RGS17: variants seen among roughly 807,000 people sequenced by gnomAD.
The protein encoded by RGS17 is regulator of G protein signaling 17.
A neutral mutation model predicts 25.5 loss-of-function variants in RGS17; 12 were observed. That is an observed-to-expected ratio of 0.47 (90% CI 0.30 to 0.76). The LOEUF (loss-of-function observed/expected upper bound fraction) is 0.76. Among genes scored for constraint, RGS17 ranks in the 30% least tolerant of loss-of-function variants. The pLI is 0.07. For synonymous variants in RGS17, 71 were observed against 76.9 expected (o/e 0.92, Z 0.40); for missense variants, 196 against 242.2 (o/e 0.81, Z 1.27).
At chr6:153,076,746 T>A (rs541430645) in intron 1 of RGS17, among the ~76,000 whole-genome samples, 1 of 152,330 alleles carries the variant, frequency 6.6e-6, no homozygotes, top group South Asian at 2.1e-4. Flanking sequence ...TAGATTTTAC[T>A]AGACTGAATA....
At chr6:153,044,741 T>C (rs1313502619) in intron 1 of RGS17, among the ~76,000 whole-genome samples, 1 of 152,210 alleles carries the variant, frequency 6.6e-6, no homozygotes, top group Non-Finnish European at 1.5e-5. Flanking sequence ...GGAATTACTC[T>C]GGTGGAATTT....
Position 153,053,648 on chromosome 6 carries a change from T to C in RGS17, c.-25-9605A>G, listed in dbSNP as rs139043094. ...AGAAAATAAAAAATTTAACCAGGCA[T>C]GGTGGCATACATATGTAGTCCTAGG... is the stretch of plus-strand genomic sequence containing the variant. On this transcript the variant is annotated intron_variant, in intron 1 of 4. Coordinates refer to ENST00000206262, the MANE Select transcript of RGS17 (RefSeq NM_012419.5). Among the ~76,000 whole-genome samples the C allele has an allele frequency of 5.0e-4, 76 of 151,754 alleles. 1 individual carries two copies. The East Asian group carries it at 0.013, about 27-fold the overall frequency.
chr6:153,125,589 T>G (rs1373612760), intron 1 of RGS17, among the ~76,000 whole-genome samples: 2 of 152,158 alleles, frequency 1.3e-5, no homozygotes, highest in Non-Finnish European at 1.5e-5. Flanking sequence ...CACTTTCAGC[T>G]GGGCGCAGTG....
chr6:153,023,903 T>A (rs973349524), intron 4 of RGS17, among the ~76,000 whole-genome samples: 86 of 152,332 alleles, frequency 5.6e-4, no homozygotes, highest in African/African-American at 2.0e-3. Flanking sequence ...ATGCTCCAGG[T>A]GATTCTCATT....
intron 1 of RGS17, among the ~76,000 whole-genome samples, chr6:153,076,975 T>C (rs9479496): frequency 0.56 from 85,624 of 151,554 alleles, 24,328 homozygotes; most frequent in South Asian, 0.64. Flanking sequence ...GCACTAGTTA[T>C]AAGGGAAAAA....
chr6:153,078,788 T>C (rs1426169096), intron 1 of RGS17, among the ~76,000 whole-genome samples: 2 of 152,172 alleles, frequency 1.3e-5, no homozygotes, highest in African/African-American at 2.4e-5. Context: ...TTTATCTATA[T>C]ATATTTCAGA....
chr6:153,018,744 C>T (rs1779210027), intron 4 of RGS17, among the ~76,000 whole-genome samples: 1 of 152,226 alleles, frequency 6.6e-6, no homozygotes, highest in Non-Finnish European at 1.5e-5. Flanking sequence ...GCCAGTGTCT[C>T]TTGTTTATCA....
At chr6:153,014,622 AC>A (rs1779164663) in intron 4 of RGS17, among the ~76,000 whole-genome samples, 1 of 151,806 alleles carries the variant, frequency 6.6e-6, no homozygotes, top group African/African-American at 2.4e-5. Flanking sequence ...CACGGTGAAA[AC>A]CCGTCTCTAC....
At chr6:153,071,481 T>C (rs1046627339) in intron 1 of RGS17, among the ~76,000 whole-genome samples, 2 of 151,782 alleles carry the variant, frequency 1.3e-5, no homozygotes, top group Non-Finnish European at 2.9e-5. Flanking sequence ...TGTTGTTTTG[T>C]TTTTAAATTT....
chr6:153,122,679 A>G (rs768789593), intron 1 of RGS17, among the ~76,000 whole-genome samples: 7 of 152,168 alleles, frequency 4.6e-5, no homozygotes, highest in East Asian at 1.9e-4. Flanking sequence ...TGAGCTCTTG[A>G]TATGTTTTAA....
At chr6:153,122,982 T>C (rs11155897) in intron 1 of RGS17, among the ~76,000 whole-genome samples, 426 of 66,614 alleles carry the variant, frequency 6.4e-3, no homozygotes, top group East Asian at 0.021. Flanking sequence ...CCAATGTACA[T>C]TGGAGTACAT....
intron 1 of RGS17, among the ~76,000 whole-genome samples, chr6:153,124,971 T>C (rs150966253): frequency 1.2e-4 from 18 of 152,294 alleles, no homozygotes; most frequent in Non-Finnish European, 2.5e-4. Flanking sequence ...CCACCTTTCA[T>C]AGAGACTGGA....
chr6:153,077,584 G>A (rs372022116), intron 1 of RGS17, among the ~76,000 whole-genome samples: 12 of 151,566 alleles, frequency 7.9e-5, no homozygotes, highest in African/African-American at 2.9e-4. Context: ...AGAAAGTCGG[G>A]GCAAAAAATA....
intron 1 of RGS17, among the ~76,000 whole-genome samples, chr6:153,096,235 T>C (rs1429671783): frequency 6.6e-6 from 1 of 152,140 alleles, no homozygotes; most frequent in Non-Finnish European, 1.5e-5. Context: ...GGGCATAATG[T>C]TAGCCAAGAG....
intron 1 of RGS17, among the ~76,000 whole-genome samples, chr6:153,125,521 A>G (rs1464687734): frequency 2.0e-5 from 3 of 152,124 alleles, no homozygotes; most frequent in Non-Finnish European, 4.4e-5. Flanking sequence ...TAAATTCTGA[A>G]TTACTCAGGT....
At chr6:153,066,955 G>T (rs1776716940) in intron 1 of RGS17, among the ~76,000 whole-genome samples, 1 of 152,044 alleles carries the variant, frequency 6.6e-6, no homozygotes. Context: ...CAGGAGAATG[G>T]CGTGTACCTG....
At chr6:153,104,029 A>T (rs1210697126) in intron 1 of RGS17, among the ~76,000 whole-genome samples, 1 of 152,230 alleles carries the variant, frequency 6.6e-6, no homozygotes, top group Non-Finnish European at 1.5e-5. Context: ...TTATTGAAAC[A>T]TGACACATTA....
At chr6:153,044,246 C>T (rs1776359914) in intron 1 of RGS17, among the ~76,000 whole-genome samples, 1 of 152,122 alleles carries the variant, frequency 6.6e-6, no homozygotes, top group Admixed American at 6.6e-5. Context: ...GAACGTCTAC[C>T]TTTATCTGCT....
chr6:153,095,333 AC>A (rs1777193335), intron 1 of RGS17, among the ~76,000 whole-genome samples: 1 of 152,128 alleles, frequency 6.6e-6, no homozygotes, highest in African/African-American at 2.4e-5. Context: ...TTTTTTTAAA[AC>A]TGAAGTGGCA....
Sources: allele counts gnomAD v4.1 joint callset (sites outside exome capture counted in the v4.1 genomes callset), GRCh38; gene constraint gnomAD v4.1.1; transcripts MANE v1.5; gene names NCBI Gene and HGNC (gene_info 2026-07-23, HGNC 2026-07-21).